Variants in RYR3 observed in about 807,000 individuals in gnomAD.
The protein encoded by RYR3 is brain ryanodine receptor-calcium release channel.
A neutral mutation model predicts 584.3 loss-of-function variants in RYR3; 207 were observed. That is an observed-to-expected ratio of 0.35 (90% CI 0.32 to 0.40). RYR3 has a LOEUF of 0.40. Ranked by LOEUF, RYR3 falls within the 10% of genes least tolerant of loss-of-function variation. The probability of loss-of-function intolerance (pLI) is 1.00; values close to 1 mark genes in which losing one functional copy is unlikely to be tolerated. For missense variants in RYR3, 5,616 were observed against 6,089.2 expected (o/e 0.92, Z 2.59); for synonymous variants, 2,416 against 2,248.5 (o/e 1.07, Z -2.11).
chr15:33,456,371 C>G (rs916514759), intron 1 of RYR3, among the ~76,000 whole-genome samples: 2 of 152,172 alleles, frequency 1.3e-5, no homozygotes, highest in African/African-American at 2.4e-5. Flanking sequence ...TGGGCAAGCA[C>G]GTGACACAGG....
At chr15:33,474,296 G>C (rs1479947159) in intron 2 of RYR3, among the ~76,000 whole-genome samples, 1 of 152,134 alleles carries the variant, frequency 6.6e-6, no homozygotes, top group African/African-American at 2.4e-5. Context: ...TGAGTGGGTA[G>C]GTAGGTAAGT....
chr15:33,562,360 C>T (rs900629265), intron 10 of RYR3, among the ~76,000 whole-genome samples: 2 of 152,192 alleles, frequency 1.3e-5, no homozygotes, highest in East Asian at 3.8e-4. Context: ...CCTTTCTCTG[C>T]AGGTTTTTAT....
chr15:33,394,697 T>C (rs1028766749), intron 1 of RYR3, among the ~76,000 whole-genome samples: 4 of 152,192 alleles, frequency 2.6e-5, no homozygotes, highest in African/African-American at 9.7e-5. Context: ...GAAATGATGC[T>C]GTATAGAAGA....
intron 32 of RYR3, among the ~76,000 whole-genome samples, chr15:33,659,011 T>A (rs2062988163): frequency 6.6e-6 from 1 of 152,204 alleles, no homozygotes; most frequent in Non-Finnish European, 1.5e-5. Context: ...TGTAGAGCAG[T>A]GTTTCTCAAT....
chr15:33,349,609 T>G (rs1972943293), intron 1 of RYR3, among the ~76,000 whole-genome samples: 1 of 151,716 alleles, frequency 6.6e-6, no homozygotes, highest in Non-Finnish European at 1.5e-5. Context: ...TTTTTTTAAT[T>G]ATACTTTGAG....
chr15:33,323,628 C>G (rs2140559090), intron 1 of RYR3, among the ~76,000 whole-genome samples: 1 of 152,312 alleles, frequency 6.6e-6, no homozygotes, highest in South Asian at 2.1e-4. Flanking sequence ...AAATAGCTCT[C>G]CCACCTGCGC....
intron 2 of RYR3, among the ~76,000 whole-genome samples, chr15:33,475,100 GGGA>G (rs2049264349): frequency 1.3e-5 from 2 of 152,100 alleles, no homozygotes; most frequent in Non-Finnish European, 2.9e-5. Context: ...TGGGATAATA[GGGA>G]GGTCATTAGA....
intron 91 of RYR3, 83 bp downstream of exon 91, chr15:33,842,118 C>A: frequency 6.9e-7 from 1 of 1,445,456 alleles, no homozygotes; most frequent in Non-Finnish European, 9.4e-7. Flanking sequence ...ATTTGTTTCA[C>A]TGTTTGGTCA....
intron 43 of RYR3, among the ~76,000 whole-genome samples, chr15:33,715,543 G>C (rs990236037): frequency 6.6e-6 from 1 of 152,166 alleles, no homozygotes; most frequent in Non-Finnish European, 1.5e-5. Flanking sequence ...TTACACCTTT[G>C]TACTAACTGT....
At chr15:33,689,053 G>A (rs1040807419) in intron 38 of RYR3, among the ~76,000 whole-genome samples, 1 of 151,938 alleles carries the variant, frequency 6.6e-6, no homozygotes, top group Non-Finnish European at 1.5e-5. Flanking sequence ...CCATAAAAAA[G>A]GATGAGTTCA....
chr15:33,497,521 A>G (rs1596371743), intron 2 of RYR3, among the ~76,000 whole-genome samples: 1 of 152,150 alleles, frequency 6.6e-6, no homozygotes, highest in East Asian at 1.9e-4. Flanking sequence ...CCTCTTACCC[A>G]GTTGACTGCA....
At chr15:33,387,519 C>A (rs965247791) in intron 1 of RYR3, among the ~76,000 whole-genome samples, 1 of 152,062 alleles carries the variant, frequency 6.6e-6, no homozygotes, top group Non-Finnish European at 1.5e-5. Flanking sequence ...TTGAGAATAG[C>A]CATCTTGATG....
chr15:33,314,988 A>C (rs1457819492), intron 1 of RYR3, among the ~76,000 whole-genome samples: 4 of 152,190 alleles, frequency 2.6e-5, no homozygotes, highest in Non-Finnish European at 5.9e-5. Context: ...AGTGAGATAG[A>C]CATTTGTTTG....
In RYR3 at chr15:33,562,974, C is replaced by T. The variant is rs16972317; in HGVS notation, c.1110C>T (p.Asp370=). The change falls in exon 11 of 104, where the codon GAC becomes GAT. Residue 370 remains aspartate (D), a synonymous_variant. Coordinates refer to ENST00000634891, the MANE Select transcript of RYR3 (RefSeq NM_001036.6). ...TGTGGGTGACCTACAAAGCACAAGACGCCAAAACTTCCCGCCTGGGACCTC... is the reference window on the plus strand; with the variant it reads ...TGTGGGTGACCTACAAAGCACAAGATGCCAAAACTTCCCGCCTGGGACCTC... ...SGLWVTYKAQ[D]AKTSRLGPLK... 6.2e-3 allele frequency: 9,983 copies of T among 1,611,850 alleles called. 328 individuals carry two copies. In the African/African-American group the frequency reaches 0.089, roughly 14 times the overall value.
intron 103 of RYR3, chr15:33,864,836 A>C (rs903656910): frequency 3.2e-6 from 1 of 315,050 alleles, no homozygotes; most frequent in Non-Finnish European, 5.8e-6. Flanking sequence ...GCATGGAATC[A>C]GCTTATTGCT....
At chr15:33,737,180 A>G (rs2069556741) in intron 49 of RYR3, among the ~76,000 whole-genome samples, 1 of 152,054 alleles carries the variant, frequency 6.6e-6, no homozygotes, top group African/African-American at 2.4e-5. Context: ...TGCAACCTTG[A>G]GCTCCCGAGT....
chr15:33,549,789 C>A (rs1333828564), intron 9 of RYR3, among the ~76,000 whole-genome samples: 1 of 152,122 alleles, frequency 6.6e-6, no homozygotes, highest in Non-Finnish European at 1.5e-5. Context: ...GTTCAGATGG[C>A]AGGTTTGGAA....
chr15:33,334,057 C>T (rs969595603), intron 1 of RYR3, among the ~76,000 whole-genome samples: 3 of 152,198 alleles, frequency 2.0e-5, no homozygotes, highest in African/African-American at 4.8e-5. Flanking sequence ...GAAAAACATT[C>T]CATGCTCATG....
intron 81 of RYR3, among the ~76,000 whole-genome samples, chr15:33,824,445 G>T (rs2077270598): frequency 6.6e-6 from 1 of 152,222 alleles, no homozygotes; most frequent in Non-Finnish European, 1.5e-5. Context: ...CATAGATTCA[G>T]ATTCAAAACT....
Sources: gnomAD v4.1 joint callset for allele counts (sites outside exome capture counted in the v4.1 genomes callset) on GRCh38, gnomAD v4.1.1 for gene constraint, MANE v1.5 for transcripts, NCBI Gene and HGNC (gene_info 2026-07-23, HGNC 2026-07-21) for gene names.